Variants in FSD1L observed in about 807,000 individuals in gnomAD.
FSD1L encodes the protein FSD1-like protein.
Under a neutral mutation model 71.6 loss-of-function variants are expected in FSD1L, and 45 were observed. The ratio of observed to expected loss-of-function variants is 0.63; its 90% CI spans 0.49 to 0.81. The LOEUF (loss-of-function observed/expected upper bound fraction) is 0.81. Among genes scored for constraint, FSD1L ranks in the 30% least tolerant of loss-of-function variants. FSD1L has a pLI of 0.00. For missense variants in FSD1L, 561 were observed against 618.1 expected (o/e 0.91, Z 0.98); for synonymous variants, 197 against 207.2 (o/e 0.95, Z 0.42).
rs991995828 is a variant in FSD1L, at chr9:105,522,197, A to G, written c.1025+9261A>G. The G allele has an allele frequency of 1.9e-6, 3 of 1,613,722 alleles. No homozygotes were observed. The African/African-American group carries it at 4.0e-5, about 22-fold the overall frequency. ...AACTTTGGGATGACTTACTGTCAGT[A>G]TTGTCATCGTTGACCTATTGGGAAG... On this transcript the variant is annotated intron_variant, in intron 10 of 13. Coordinates refer to ENST00000481272, the MANE Select transcript of FSD1L (RefSeq NM_001145313.3).
At chr9:105,447,084 G>A (rs1174537076), upstream of FSD1L, among the ~76,000 whole-genome samples, 4 of 152,040 alleles carry the variant, frequency 2.6e-5, no homozygotes, top group Non-Finnish European at 5.9e-5. Context: ...AGCAATTTGG[G>A]AGGCTGAGGT....
intron 10 of FSD1L, among the ~76,000 whole-genome samples, chr9:105,517,540 A>C (rs936315063): frequency 6.6e-5 from 10 of 152,220 alleles, no homozygotes; most frequent in African/African-American, 2.4e-4. Flanking sequence ...TTCAACCCAG[A>C]ATTTCATATC....
At position 105,523,391 on chromosome 9, in the gene FSD1L, T is replaced by C. The variant is rs1320856100; in HGVS notation, c.1025+10455T>C. ...GTGAATTTCCATCAGAATGTTGTAG[T>C]GTGATGGCAGGAGGTACTCTGACTG... On this transcript the variant is annotated intron_variant, in intron 10 of 13. Coordinates refer to ENST00000481272, the MANE Select transcript of FSD1L (RefSeq NM_001145313.3). 12 of 1,605,188 alleles carry C rather than the reference T, an allele frequency of 7.5e-6. No homozygotes were observed. In the South Asian group the frequency reaches 1.3e-4, roughly 18 times the overall value.
At chr9:105,448,611 C>T (rs571214038) in intron 1 of FSD1L, among the ~76,000 whole-genome samples, 1 of 91,418 alleles carries the variant, frequency 1.1e-5, no homozygotes, top group Non-Finnish European at 2.2e-5. Context: ...GTGAGGAAAC[C>T]GAGGCACAGC....
intron 10 of FSD1L, chr9:105,520,401 A>G (rs1835067984): frequency 1.8e-6 from 2 of 1,107,492 alleles, no homozygotes; most frequent in African/African-American, 1.5e-5. Flanking sequence ...TTTTTCGACA[A>G]CATTTTTTAC....
At chr9:105,544,238 G>T (rs1205635106) in intron 13 of FSD1L, among the ~76,000 whole-genome samples, 1 of 152,226 alleles carries the variant, frequency 6.6e-6, no homozygotes, top group Non-Finnish European at 1.5e-5. Flanking sequence ...CTTTTGAGAA[G>T]TGTCTGTCCA....
intron 12 of FSD1L, among the ~76,000 whole-genome samples, chr9:105,535,955 T>A (rs527719894): frequency 6.6e-6 from 1 of 152,358 alleles, no homozygotes; most frequent in African/African-American, 2.4e-5. Flanking sequence ...TTCTTCAGAA[T>A]GACTCATGAT....
At chr9:105,467,321 G>T (rs10481710) in intron 3 of FSD1L, among the ~76,000 whole-genome samples, 1 of 152,060 alleles carries the variant, frequency 6.6e-6, no homozygotes, top group Non-Finnish European at 1.5e-5. Flanking sequence ...GTGCCAGTTC[G>T]CTTCTCTTAA....
Position 105,535,072 on chromosome 9 carries a change from A to G in FSD1L, c.1132A>G (p.Thr378Ala), listed in dbSNP as rs1419384376. 9.7e-6 allele frequency: 15 copies of G among 1,551,572 alleles called. No homozygotes were observed. In the South Asian group the frequency reaches 1.4e-4, roughly 15 times the overall value. The change falls in exon 12 of 14, where the codon ACT (threonine) becomes GCT (alanine). Residue 378 changes from threonine (T) to alanine (A), a missense_variant. Transcript: ENST00000481272. ...ACCTTTCTGATCTTTTGTAGGAGAC[A>G]CTGCTATTGAAAGTGGACAACATTA... The part of the protein sequence containing the change: ...TGESYTVLGD[T>A]AIESGQHYWE...
intron 7 of FSD1L, among the ~76,000 whole-genome samples, chr9:105,485,533 G>GGTTTTTTTT (rs1554705301): frequency 2.5e-5 from 2 of 79,406 alleles, no homozygotes; most frequent in Non-Finnish European, 4.7e-5. Flanking sequence ...TTGGTTAGGT[G>GGTTTTTTTT]TTTTTTTTTT....
intron 1 of FSD1L, among the ~76,000 whole-genome samples, chr9:105,458,702 A>G (rs578108976): frequency 6.6e-6 from 1 of 152,320 alleles, no homozygotes; most frequent in Non-Finnish European, 1.5e-5. Context: ...TGTGGATTCC[A>G]TCAGGAACTG....
chr9:105,498,772 G>A (rs1165219384), intron 7 of FSD1L, among the ~76,000 whole-genome samples: 2 of 152,188 alleles, frequency 1.3e-5, no homozygotes, highest in African/African-American at 2.4e-5. Context: ...CTTTGACTAT[G>A]TGTTGTTTAG....
At chr9:105,521,697 G>C in intron 10 of FSD1L, 2 of 1,613,490 alleles carry the variant, frequency 1.2e-6, no homozygotes, top group Non-Finnish European at 1.7e-6. Flanking sequence ...AGAAAAAAGA[G>C]AAGAGGAAAA....
intron 7 of FSD1L, among the ~76,000 whole-genome samples, chr9:105,493,485 A>T: frequency 6.6e-6 from 1 of 151,704 alleles, no homozygotes. Flanking sequence ...TAATTGGAGC[A>T]TTTAGTCCAT....
At chr9:105,503,600 C>A (rs1833893762) in intron 7 of FSD1L, among the ~76,000 whole-genome samples, 1 of 152,202 alleles carries the variant, frequency 6.6e-6, no homozygotes, top group Non-Finnish European at 1.5e-5. Flanking sequence ...TACACTATTG[C>A]TAGTTCATCA....
At chr9:105,496,947 T>C (rs1833452055) in intron 7 of FSD1L, among the ~76,000 whole-genome samples, 1 of 152,252 alleles carries the variant, frequency 6.6e-6, no homozygotes, top group Non-Finnish European at 1.5e-5. Context: ...TTCCTGAACT[T>C]AGTGGAAACA....
At chr9:105,517,078 C>G (rs4742948) in intron 10 of FSD1L, among the ~76,000 whole-genome samples, 109,445 of 152,014 alleles carry the variant, frequency 0.72, 40,298 homozygotes, top group African/African-American at 0.88. Context: ...GGATATCAGA[C>G]ATTGAAGATC....
upstream of FSD1L, among the ~76,000 whole-genome samples, chr9:105,447,294 A>T (rs532387476): frequency 2.1e-3 from 276 of 131,250 alleles, 1 homozygote; most frequent in African/African-American, 7.5e-3. Flanking sequence ...ACTGCACTCC[A>T]GCCTCGGTGA....
chr9:105,518,369 C>T (rs1422418718), intron 10 of FSD1L, among the ~76,000 whole-genome samples: 1 of 152,224 alleles, frequency 6.6e-6, no homozygotes, highest in Non-Finnish European at 1.5e-5. Context: ...TTCTTCTCAG[C>T]ACCTCGTCAC....
Sources: gnomAD v4.1 joint callset for allele counts (sites outside exome capture counted in the v4.1 genomes callset) on GRCh38, gnomAD v4.1.1 for gene constraint, MANE v1.5 for transcripts, NCBI Gene and HGNC (gene_info 2026-07-23, HGNC 2026-07-21) for gene names.